RBM23: variants seen among roughly 807,000 people sequenced by gnomAD.
The protein encoded by RBM23 is RNA binding motif protein 23, also known as probable RNA-binding protein 23.
Under a neutral mutation model 56.2 loss-of-function variants are expected in RBM23, and 53 were observed. The observed-to-expected ratio is 0.94, with a 90% CI of 0.76 to 1.19. RBM23 has a LOEUF of 1.19. Among genes scored for constraint, RBM23 ranks in the 50% most tolerant of loss-of-function variants. The probability of loss-of-function intolerance (pLI) is 0.00; values close to 1 mark genes in which losing one functional copy is unlikely to be tolerated. For missense variants in RBM23, 642 were observed against 590.3 expected, an observed-to-expected ratio of 1.09 and a Z score of -0.91; for synonymous variants, 197 against 198.5, an observed-to-expected ratio of 0.99 and a Z score of 0.06.
chr14:22,904,112 AG>A, intron 10 of RBM23, 148 bp downstream of exon 10: 1 of 1,544,418 alleles, frequency 6.5e-7, no homozygotes, highest in Non-Finnish European at 8.7e-7. Context: ...ACTCATCTCA[AG>A]GGGTAGAAGG....
At chr14:22,909,446 C>G in intron 3 of RBM23, 37 bp downstream of exon 3, 1 of 1,551,072 alleles carries the variant, frequency 6.4e-7, no homozygotes, top group Non-Finnish European at 8.9e-7. Context: ...GTTTCCCTTC[C>G]CCAAGTTGCC....
At chr14:22,909,014 C>T (rs1243780309) in intron 3 of RBM23, among the ~76,000 whole-genome samples, 1 of 151,560 alleles carries the variant, frequency 6.6e-6, no homozygotes, top group Admixed American at 6.6e-5. Flanking sequence ...GCGACCTCGG[C>T]TCACTACAAC....
intron 9 of RBM23, 133 bp downstream of exon 9, chr14:22,904,742 C>A: frequency 7.5e-7 from 1 of 1,337,798 alleles, no homozygotes; most frequent in Non-Finnish European, 1.0e-6. Context: ...ACTTTCACAG[C>A]ATAGACTCAT....
intron 10 of RBM23, 35 bp downstream of exon 10, chr14:22,904,226 A>C (rs2041124288): frequency 6.2e-7 from 1 of 1,613,932 alleles, no homozygotes; most frequent in Non-Finnish European, 8.5e-7. Context: ...ACAAACCCAA[A>C]GTAAAATAAA....
chr14:22,910,589 T>C (rs1263835585), intron 2 of RBM23, among the ~76,000 whole-genome samples: 1 of 145,656 alleles, frequency 6.9e-6, no homozygotes, highest in South Asian at 2.2e-4. Context: ...TGCTGTTAAG[T>C]GGGCCAGGTG....
In RBM23 at chr14:22,904,224, A is replaced by G. The variant is rs578208180; in HGVS notation, c.930+37T>C. The G allele has an allele frequency of 1.7e-5, 28 of 1,614,034 alleles. No individual in the cohort carries two copies. In the South Asian group the frequency reaches 3.0e-4, roughly 17 times the overall value. On this transcript the variant is annotated intron_variant, in intron 10 of 13. Transcript: ENST00000359890. ...CAAAATCAGACAAGTGGACAAACCC[A>G]AAGTAAAATAAAAAAATTAAAAGAC... is the stretch of plus-strand genomic sequence containing the variant.
At chr14:22,912,513 T>C (rs936651731) in intron 1 of RBM23, among the ~76,000 whole-genome samples, 1 of 152,108 alleles carries the variant, frequency 6.6e-6, no homozygotes, top group Non-Finnish European at 1.5e-5. Context: ...ACCACCAGTT[T>C]GTCAAATAAG....
chr14:22,912,718 G>A (rs993294290), intron 1 of RBM23, among the ~76,000 whole-genome samples: 6 of 152,164 alleles, frequency 3.9e-5, no homozygotes, highest in East Asian at 3.9e-4. Context: ...GGCCAGGCGC[G>A]GTGGCTCATG....
chr14:22,910,592 G>T (rs2042342299), intron 2 of RBM23, among the ~76,000 whole-genome samples: 2 of 151,896 alleles, frequency 1.3e-5, no homozygotes, highest in Non-Finnish European at 2.9e-5. Flanking sequence ...TGTTAAGTGG[G>T]CCAGGTGCAG....
In RBM23 at chr14:22,905,791, C is replaced by T. The variant is rs2041438934; in HGVS notation, c.402-132G>A. On this transcript the variant is annotated intron_variant, in intron 5 of 13. Coordinates refer to ENST00000359890, the MANE Select transcript of RBM23 (RefSeq NM_001077351.2). ...TTAAGACAGGGTTTCCGCTGTCACC[C>T]AGGCTGGAGTGCAGTGGCGCCATCT... The T allele has an allele frequency of 8.1e-6, 6 of 737,482 alleles. No individual in the cohort carries two copies. The Admixed American group carries it at 1.1e-4, about 13-fold the overall frequency. The allele number at this position is 737,482 out of a possible 1,614,324, so 45.7% of individuals were successfully genotyped here.
chr14:22,918,595 C>T (rs1423295858), intron 1 of RBM23, among the ~76,000 whole-genome samples: 2 of 152,122 alleles, frequency 1.3e-5, no homozygotes, highest in African/African-American at 4.8e-5. Context: ...AGGAAGAAAG[C>T]TCAATTCCCT....
At chr14:22,911,545 T>TA (rs1329119248) in intron 1 of RBM23, 142 bp from the exon 2 acceptor site, 1 of 624,110 alleles carries the variant, frequency 1.6e-6, no homozygotes, top group Non-Finnish European at 2.7e-6. Flanking sequence ...AAAGAAACCT[T>TA]ACCAGCTGTC....
At position 22,897,275 on chromosome 14, in the gene RBM23, CAATAA is replaced by C. The variant is rs2040262772; in HGVS notation, c.*4450_*4454del. ...TGTAACCATCAAGTAATGGAGTTTT[CAATAA>C]AATAATTTTTATTGCAATTATTTTA... On this transcript the variant is annotated 3_prime_UTR_variant, in exon 14 of 14. Coordinates refer to ENST00000359890, the MANE Select transcript of RBM23 (RefSeq NM_001077351.2). 1 of 152,014 alleles carries C rather than the reference CAATAA, an allele frequency of 6.6e-6. No homozygotes were observed. Among genetic ancestry groups the C allele is most frequent in the African/African-American group, 2.4e-5 (1 of 41,380 alleles). 9.4% of individuals were successfully genotyped at this position (152,014 alleles called of 1,614,324 possible).
At chr14:22,905,842 A>G (rs1427898595) in intron 5 of RBM23, 183 bp from the exon 6 acceptor site, 3 of 612,356 alleles carry the variant, frequency 4.9e-6, no homozygotes, top group Non-Finnish European at 8.6e-6. Flanking sequence ...TTTGCCTCCC[A>G]GGCTCAAGCA....
intron 10 of RBM23, 21 bp downstream of exon 10, chr14:22,904,240 A>G (rs1366567617): frequency 1.2e-6 from 2 of 1,614,024 alleles, no homozygotes; most frequent in Admixed American, 1.7e-5. Context: ...AAATAAAAAA[A>G]TTAAAAGACT....
chr14:22,903,400 G>C, intron 10 of RBM23: 1 of 985,470 alleles, frequency 1.0e-6, no homozygotes, highest in Non-Finnish European at 1.2e-6. Context: ...AGCGAGAAAA[G>C]GTTACAAAAG....
chr14:22,910,151 CAA>C lies in RBM23; in HGVS notation c.67-558_67-557del, dbSNP rs532892000. On this transcript the variant is annotated intron_variant, in intron 2 of 13. Transcript: ENST00000359890. ...TGGGCAGCCTAGTGAGACTCTGTCTCAAAAAAAAAAAAAAAAAAAAAAAAAAG... is the reference window on the plus strand; with the variant it reads ...TGGGCAGCCTAGTGAGACTCTGTCTCAAAAAAAAAAAAAAAAAAAAAAAAG... 5.9e-3 allele frequency among the ~76,000 whole-genome samples: 98 copies of C among 16,684 alleles called. 1 individual carries two copies. In the South Asian group the frequency reaches 0.068, roughly 12 times the overall value. The allele number at this position is 16,684 out of a possible 152,430, so 10.9% of individuals were successfully genotyped here.
Position 22,901,707 on chromosome 14 carries a change from A to C in RBM23, c.*23T>G. The C allele has an allele frequency of 6.2e-7, 1 of 1,610,892 alleles. No homozygotes were observed. Among genetic ancestry groups the C allele is most frequent in the Middle Eastern group, 1.7e-4 (1 of 6,060 alleles). ...AGTGGCAGGATCCAGAGGCACAAGG[A>C]GGCAGTATACTGTGCCACTGATTTA... On this transcript the variant is annotated 3_prime_UTR_variant, in exon 14 of 14. Coordinates refer to ENST00000359890, the MANE Select transcript of RBM23 (RefSeq NM_001077351.2).
chr14:22,903,311 A>C, intron 10 of RBM23: 1 of 985,468 alleles, frequency 1.0e-6, no homozygotes. Flanking sequence ...TTTAAGTGTC[A>C]AGGTTGTTGA....
Sources: allele counts gnomAD v4.1 joint callset (sites outside exome capture counted in the v4.1 genomes callset), GRCh38; gene constraint gnomAD v4.1.1; transcripts MANE v1.5; gene names NCBI Gene and HGNC (gene_info 2026-07-23, HGNC 2026-07-21).